Variants in BMPR2 observed in about 807,000 individuals in gnomAD.
BMPR2 encodes bone morphogenetic protein receptor type-2.
In BMPR2, 29 loss-of-function variants were observed where a neutral mutation model predicts 100.8. The observed-to-expected ratio is 0.29, with a 90% confidence interval of 0.21 to 0.39. BMPR2 has a LOEUF of 0.39. Ranked by LOEUF, BMPR2 falls within the 10% of genes least tolerant of loss-of-function variation. BMPR2 has a pLI of 1.00. For missense variants in BMPR2, 1,011 were observed against 1,274.5 expected (o/e 0.79, Z 3.15); for synonymous variants, 382 against 442.3 (o/e 0.86, Z 1.71).
intron 1 of BMPR2, among the ~76,000 whole-genome samples, chr2:202,399,681 T>C (rs1690726350): frequency 6.6e-6 from 1 of 152,226 alleles, no homozygotes. Context: ...TAGGCAGATG[T>C]GCTAGTCAAG....
chr2:202,494,931 T>C (rs1257106279), intron 3 of BMPR2, among the ~76,000 whole-genome samples: 1 of 152,196 alleles, frequency 6.6e-6, no homozygotes, highest in Non-Finnish European at 1.5e-5. Flanking sequence ...AAAGTTCCCT[T>C]GTCCTGACAG....
rs1574486086 is a variant in BMPR2 at position 202,513,952 on chromosome 2, C to A, written c.529+123C>A. The A allele has an allele frequency of 8.5e-5, 61 of 720,862 alleles. 1 individual carries two copies. In the East Asian group the frequency reaches 1.6e-3, roughly 19 times the overall value. The allele number at this position is 720,862 out of a possible 1,614,324, so 44.7% of individuals were successfully genotyped here. On this transcript the variant is annotated intron_variant, in intron 4 of 12. Coordinates refer to ENST00000374580, the MANE Select transcript of BMPR2 (RefSeq NM_001204.7). ...CAAAGTTATGCAAAATACACCCAGCCTCAATAGTATCACGTATGGACAGTA... is the reference window on the plus strand; with the variant it reads ...CAAAGTTATGCAAAATACACCCAGCATCAATAGTATCACGTATGGACAGTA...
intron 1 of BMPR2, among the ~76,000 whole-genome samples, chr2:202,440,125 C>T (rs1691702462): frequency 6.6e-6 from 1 of 150,834 alleles, no homozygotes; most frequent in South Asian, 2.1e-4. Flanking sequence ...CTTCTTTCTA[C>T]ACAGACACAG....
At chr2:202,383,437 T>C (rs1484260393) in intron 1 of BMPR2, among the ~76,000 whole-genome samples, 40 of 152,134 alleles carry the variant, frequency 2.6e-4, no homozygotes, top group Admixed American at 2.6e-3. Context: ...TCCCAGCACT[T>C]TGGGAGGCCA....
chr2:202,384,530 C>CTCTTTCTTTCTT lies in BMPR2; in HGVS notation c.76+7010_76+7021dup, dbSNP rs202188126. ...TTTCAGTTTCTTTCTTTCTTTCTTT[C>CTCTTTCTTTCTT]TCTTTCTTTCTTTCTTTCTTTCTTT... On this transcript the variant is annotated intron_variant, in intron 1 of 12. Coordinates refer to ENST00000374580, the MANE Select transcript of BMPR2 (RefSeq NM_001204.7). 1.0e-3 allele frequency among the ~76,000 whole-genome samples: 113 copies of CTCTTTCTTTCTT among 107,642 alleles called. 2 individuals are homozygous for CTCTTTCTTTCTT. The highest frequency in any genetic ancestry group is 2.5e-3 in the African/African-American group (58 of 23,510). 70.6% of individuals were successfully genotyped at this position (107,642 alleles called of 152,430 possible). A position where few individuals can be genotyped will look rare whatever the true frequency, so the allele number is the denominator to read the frequency against.
rs1011566648 is a variant in BMPR2 at position 202,503,630 on chromosome 2, G to A, written c.419-10089G>A. On this transcript the variant is annotated intron_variant, in intron 3 of 12. Coordinates refer to ENST00000374580, the MANE Select transcript of BMPR2 (RefSeq NM_001204.7). This position sits in a 1 kb window ranked among gnomAD's most constrained non-coding sequence, Gnocchi z 4.0. ...CACAGGGCAGGGCTCGGGACCTGCAGCCCGCCATGCCTGAGCCTCCCACCC... is the reference window on the plus strand; with the variant it reads ...CACAGGGCAGGGCTCGGGACCTGCAACCCGCCATGCCTGAGCCTCCCACCC... 6.6e-5 allele frequency among the ~76,000 whole-genome samples: 10 copies of A among 152,240 alleles called. No homozygotes were observed. The highest frequency in any genetic ancestry group is 6.5e-4 in the Admixed American group (10 of 15,290).
rs556459856 is a variant in BMPR2 at position 202,535,196 on chromosome 2, C to T, written c.1276+2464C>T. Among the ~76,000 whole-genome samples, 904 of 151,032 alleles carry T rather than the reference C, an allele frequency of 6.0e-3. 9 individuals carry two copies. Among genetic ancestry groups the T allele is most frequent in the African/African-American group, 0.02 (840 of 41,112 alleles). On this transcript the variant is annotated intron_variant, in intron 9 of 12. Transcript: ENST00000374580. Reference sequence around the variant, plus strand: ...CTGGCGGGGGGCTGACCCCCCCCACCTCCCTCCCGGACGGGGTGGCTGCCG... The same window carrying T: ...CTGGCGGGGGGCTGACCCCCCCCACTTCCCTCCCGGACGGGGTGGCTGCCG...
At chr2:202,427,175 C>T (rs539491120) in intron 1 of BMPR2, among the ~76,000 whole-genome samples, 140 of 151,916 alleles carry the variant, frequency 9.2e-4, no homozygotes, top group Non-Finnish European at 1.5e-3. Flanking sequence ...CATAGTGAGA[C>T]CCCCGTCTCT....
At chr2:202,428,397 TCTCTCTCTC>T in intron 1 of BMPR2, among the ~76,000 whole-genome samples, 3 of 141,558 alleles carry the variant, frequency 2.1e-5, no homozygotes, top group African/African-American at 5.0e-5. Context: ...TCTCTCTCTT[TCTCTCTCTC>T]TTTTTTTTTT....
intron 1 of BMPR2, among the ~76,000 whole-genome samples, chr2:202,427,507 C>A (rs900342728): frequency 6.9e-5 from 10 of 145,974 alleles, no homozygotes; most frequent in Admixed American, 1.4e-4. Flanking sequence ...AAAAAAAAAA[C>A]AAGAAGCAAG....
chr2:202,517,953 C>T (rs1687744922), intron 5 of BMPR2, among the ~76,000 whole-genome samples: 1 of 145,820 alleles, frequency 6.9e-6, no homozygotes, highest in Non-Finnish European at 1.5e-5. Context: ...AGTGGGACTA[C>T]AGGCGCCCAC....
At chr2:202,454,903 G>A (rs931636010) in intron 1 of BMPR2, among the ~76,000 whole-genome samples, 1 of 152,168 alleles carries the variant, frequency 6.6e-6, no homozygotes, top group Non-Finnish European at 1.5e-5. Flanking sequence ...CAAGATCAAG[G>A]TGCTAGATGA....
At chr2:202,512,381 C>G (rs1687641478) in intron 3 of BMPR2, among the ~76,000 whole-genome samples, 1 of 152,222 alleles carries the variant, frequency 6.6e-6, no homozygotes, top group African/African-American at 2.4e-5. Context: ...ACAGCTCTTT[C>G]ATAGGGCAAC....
chr2:202,500,890 T>C (rs527283152), intron 3 of BMPR2, among the ~76,000 whole-genome samples: 141 of 152,316 alleles, frequency 9.3e-4, no homozygotes, highest in African/African-American at 3.3e-3. Flanking sequence ...TCTTTGCTTT[T>C]GAGGATCCCA....
chr2:202,401,122 T>TC (rs1690762890), intron 1 of BMPR2, among the ~76,000 whole-genome samples: 1 of 152,204 alleles, frequency 6.6e-6, no homozygotes, highest in Non-Finnish European at 1.5e-5. Context: ...TGGATGTCAC[T>TC]CAGCCTATTG....
Position 202,567,166 on chromosome 2 carries a change from T to C in BMPR2, c.*7220T>C, listed in dbSNP as rs1688776907. 6.6e-6 allele frequency: 1 copy of C among 152,592 alleles called. No homozygotes were observed. The highest frequency in any genetic ancestry group is 2.4e-5 in the African/African-American group (1 of 41,478). The allele number at this position is 152,592 out of a possible 1,614,324, so 9.5% of individuals were successfully genotyped here. A position where few individuals can be genotyped will look rare whatever the true frequency, so the allele number is the denominator to read the frequency against. ...TTTTCAAATAAAGATACATGGATAA[T>C]TGTAAAATACACTAACTCTTAGGGT... On this transcript the variant is annotated 3_prime_UTR_variant, in exon 13 of 13. Coordinates refer to ENST00000374580, the MANE Select transcript of BMPR2 (RefSeq NM_001204.7).
chr2:202,518,043 G>A (rs1357036984), intron 5 of BMPR2, among the ~76,000 whole-genome samples: 1 of 141,168 alleles, frequency 7.1e-6, no homozygotes, highest in African/African-American at 2.7e-5. Context: ...AGCCAGGATG[G>A]TCTCGATCTC....
chr2:202,435,376 C>CATATATATATATATATATATATATATAT (rs141854934), intron 1 of BMPR2, among the ~76,000 whole-genome samples: 5 of 103,426 alleles, frequency 4.8e-5, no homozygotes, highest in Admixed American at 1.1e-4. Context: ...AAAAAAAATA[C>CATATATATATATATATATATATATATAT]ATATATATAT....
chr2:202,560,238 A>T lies in BMPR2; in HGVS notation c.*292A>T, dbSNP rs1574509682. ...TGTGTATCAAAAGTGGTCTCAAAAT[A>T]TTTTTTTAAGAAAAAAAGCAAAAAC... On this transcript the variant is annotated 3_prime_UTR_variant, in exon 13 of 13. Transcript: ENST00000374580. 1 of 356,706 alleles carries T rather than the reference A, an allele frequency of 2.8e-6. No individual in the cohort carries two copies. The highest frequency in any genetic ancestry group is 5.2e-6 in the Non-Finnish European group (1 of 193,136). The allele number at this position is 356,706 out of a possible 1,614,324, so 22.1% of individuals were successfully genotyped here.
Sources: allele counts gnomAD v4.1 joint callset (sites outside exome capture counted in the v4.1 genomes callset), GRCh38; gene constraint gnomAD v4.1.1; non-coding constraint Gnocchi (gnomAD v3.1); transcripts MANE v1.5; gene names NCBI Gene and HGNC (gene_info 2026-07-23, HGNC 2026-07-21).